The following SMARCAL1 variants were observed in gnomAD, a reference collection of about 807,000 sequenced individuals.
SMARCAL1 encodes SNF2 related chromatin remodeling annealing helicase 1.
In SMARCAL1, 58 loss-of-function variants were observed where a neutral mutation model predicts 94.5. The observed-to-expected ratio is 0.61, with a 90% CI of 0.50 to 0.76. The LOEUF (loss-of-function observed/expected upper bound fraction) is 0.76. Ranked by LOEUF, SMARCAL1 falls within the 30% of genes least tolerant of loss-of-function variation. The probability of loss-of-function intolerance (pLI) is 0.00; values close to 1 mark genes in which losing one functional copy is unlikely to be tolerated. For synonymous variants in SMARCAL1, 422 were observed against 455.1 expected (o/e 0.93, Z 0.93); for missense variants, 1,051 against 1,177.9 (o/e 0.89, Z 1.58).
intron 6 of SMARCAL1, chr2:216,427,277 G>C (rs1693856359): frequency 6.6e-6 from 1 of 152,218 alleles, no homozygotes; most frequent in Non-Finnish European, 1.5e-5. Flanking sequence ...TCTTTCTCAG[G>C]AACACTGAGA....
intron 9 of SMARCAL1, among the ~76,000 whole-genome samples, chr2:216,437,189 G>A (rs1353612376): frequency 6.6e-6 from 1 of 152,166 alleles, no homozygotes; most frequent in Non-Finnish European, 1.5e-5. Flanking sequence ...TTACCCATTG[G>A]TTGAAAGGGC....
chr2:216,414,483 T>A (rs1693539573), intron 2 of SMARCAL1, 164 bp from the exon 3 acceptor site: 1 of 563,238 alleles, frequency 1.8e-6, no homozygotes, highest in African/African-American at 1.9e-5. Flanking sequence ...CAGCATATGC[T>A]GCCTACTATT....
intron 12 of SMARCAL1, among the ~76,000 whole-genome samples, chr2:216,453,516 A>T (rs1444692739): frequency 1.3e-5 from 2 of 152,202 alleles, no homozygotes; most frequent in African/African-American, 4.8e-5. Flanking sequence ...TCTGATCAGG[A>T]TCATTGCTCT....
chr2:216,420,836 GC>G (rs1454075597), intron 5 of SMARCAL1, among the ~76,000 whole-genome samples: 2 of 152,114 alleles, frequency 1.3e-5, no homozygotes, highest in Non-Finnish European at 2.9e-5. Flanking sequence ...TTTTATTTTG[GC>G]CTTTGCAGAG....
intron 6 of SMARCAL1, among the ~76,000 whole-genome samples, chr2:216,423,954 A>T (rs1559123785): frequency 6.6e-6 from 1 of 152,338 alleles, no homozygotes; most frequent in Middle Eastern, 3.4e-3. Context: ...TCCTGCTGTC[A>T]TAGAAGTGCT....
Position 216,482,952 on chromosome 2 carries a change from G to C in SMARCAL1, c.2840G>C (p.Trp947Ser). 2 of 1,613,968 alleles carry C rather than the reference G, an allele frequency of 1.2e-6. No homozygotes were observed. The highest frequency in any genetic ancestry group is 1.7e-6 in the Non-Finnish European group (2 of 1,179,986). ...AGGAGATTTGAATTTTTTGATAACT[G>C]GGACAGCTTTACGTCTCCCCTGTAA... is the stretch of plus-strand genomic sequence containing the variant. ...KKRRFEFFDN[W>S]DSFTSPL is the part of the protein sequence containing the mutation. Residue 947 changes from tryptophan to serine, a missense_variant, in exon 18 of 18, where the codon TGG (tryptophan) becomes TCG (serine). Coordinates refer to ENST00000357276, the MANE Select transcript of SMARCAL1 (RefSeq NM_014140.4). The surrounding 1 kb of genome is among the most constrained non-coding windows in gnomAD (Gnocchi z 4.3).
intron 12 of SMARCAL1, among the ~76,000 whole-genome samples, chr2:216,460,628 T>C (rs577967321): frequency 7.3e-6 from 1 of 136,786 alleles, no homozygotes; most frequent in East Asian, 2.2e-4. Context: ...TAGGTGGGAA[T>C]TGAACAATGA....
chr2:216,463,148 C>T (rs978264761), intron 12 of SMARCAL1, among the ~76,000 whole-genome samples: 9 of 152,120 alleles, frequency 5.9e-5, no homozygotes, highest in African/African-American at 1.7e-4. Context: ...TGTTGAATCA[C>T]GTCTTTGTTC....
chr2:216,474,755 T>C lies in SMARCAL1; in HGVS notation c.2245-514T>C, dbSNP rs1162337229. On this transcript the variant is annotated intron_variant, in intron 14 of 17. Coordinates refer to ENST00000357276, the MANE Select transcript of SMARCAL1 (RefSeq NM_014140.4). ...TGAGTGACAAGAGTGAAACTTCATC[T>C]TAAAAAAGAAAAAGAAAAAAAATGT... is the stretch of plus-strand genomic sequence containing the variant. 3.9e-5 allele frequency among the ~76,000 whole-genome samples: 6 copies of C among 152,128 alleles called. No homozygotes were observed. The East Asian group carries it at 1.2e-3, about 30-fold the overall frequency.
At chr2:216,425,928 G>T (rs1693824308) in intron 6 of SMARCAL1, among the ~76,000 whole-genome samples, 1 of 152,232 alleles carries the variant, frequency 6.6e-6, no homozygotes, top group African/African-American at 2.4e-5. Context: ...TGGCTTAAAG[G>T]TTGGGTTTCA....
chr2:216,450,514 G>A (rs1249653911), intron 11 of SMARCAL1, among the ~76,000 whole-genome samples: 1 of 152,212 alleles, frequency 6.6e-6, no homozygotes, highest in Non-Finnish European at 1.5e-5. Flanking sequence ...GGAATAGTCT[G>A]ACAAGCCAAG....
chr2:216,432,411 G>A (rs540381146), intron 7 of SMARCAL1, among the ~76,000 whole-genome samples: 6 of 152,254 alleles, frequency 3.9e-5, no homozygotes, highest in Admixed American at 3.3e-4. Context: ...ACAGTGGGCC[G>A]AGGCAACTCC....
intron 12 of SMARCAL1, among the ~76,000 whole-genome samples, chr2:216,455,140 G>A (rs1694535750): frequency 6.6e-6 from 1 of 152,236 alleles, no homozygotes; most frequent in Non-Finnish European, 1.5e-5. Context: ...CAAGGCAGCA[G>A]CGAGGCTGGG....
intron 5 of SMARCAL1, among the ~76,000 whole-genome samples, chr2:216,422,881 A>G (rs1693754969): frequency 6.6e-6 from 1 of 152,212 alleles, no homozygotes; most frequent in African/African-American, 2.4e-5. Flanking sequence ...CACCTTTCTT[A>G]GTTGATATTG....
In SMARCAL1 at chr2:216,475,518, T is replaced by C; in HGVS notation, c.2427+67T>C. On this transcript the variant is annotated intron_variant, in intron 15 of 17. Coordinates refer to ENST00000357276, the MANE Select transcript of SMARCAL1 (RefSeq NM_014140.4). The surrounding 1 kb of genome is among the most constrained non-coding windows in gnomAD (Gnocchi z 4.4). ...ATGGCTGTGGGCAGGAAGCAGTGAG[T>C]GTCGGTCGGGGAAAGTGTGGTTTCC... The C allele has an allele frequency of 6.5e-7, 1 of 1,530,780 alleles. No individual in the cohort carries two copies. The highest frequency in any genetic ancestry group is 9.1e-7 in the Non-Finnish European group (1 of 1,104,388). 94.8% of individuals were successfully genotyped at this position (1,530,780 alleles called of 1,614,324 possible).
chr2:216,424,517 C>T (rs748303922), intron 6 of SMARCAL1, among the ~76,000 whole-genome samples: 2 of 152,180 alleles, frequency 1.3e-5, no homozygotes, highest in East Asian at 1.9e-4. Flanking sequence ...AGGACAGACA[C>T]GAGCCAACCC....
At chr2:216,466,767 T>C (rs988737460) in intron 13 of SMARCAL1, among the ~76,000 whole-genome samples, 10 of 152,180 alleles carry the variant, frequency 6.6e-5, no homozygotes, top group Non-Finnish European at 1.0e-4. Flanking sequence ...CGTAAACTTT[T>C]TTGCTTATAT....
Position 216,416,240 on chromosome 2 carries a change from C to T in SMARCAL1, c.812-17C>T, listed in dbSNP as rs1559121422. 2 of 1,611,872 alleles carry T rather than the reference C, an allele frequency of 1.2e-6. No homozygotes were observed. The highest frequency in any genetic ancestry group is 1.3e-5 in the African/African-American group (1 of 74,964). ...GTACAAATTGTCAACAGTCATCAGT[C>T]CTCTGTTTTGTTTCAGATCCTGACA... is the stretch of plus-strand genomic sequence containing the variant. On this transcript the variant is annotated splice_polypyrimidine_tract_variant and intron_variant, in intron 3 of 17. Transcript: ENST00000357276.
rs568442738 is a variant in SMARCAL1 at position 216,431,085 on chromosome 2, G to A, written c.1335-1633G>A. Among the ~76,000 whole-genome samples the A allele has an allele frequency of 1.8e-4, 27 of 152,352 alleles. No individual in the cohort carries two copies. In the South Asian group the frequency reaches 1.9e-3, roughly 11 times the overall value. On this transcript the variant is annotated intron_variant, in intron 7 of 17. Transcript: ENST00000357276. ...TGCCCCCTCTCCTAGGCAGGCCCCC[G>A]CCCAGGCTGCAGGGAGAACAGAAGG...
Sources: allele counts gnomAD v4.1 joint callset (sites outside exome capture counted in the v4.1 genomes callset), GRCh38; gene constraint gnomAD v4.1.1; non-coding constraint Gnocchi (gnomAD v3.1); transcripts MANE v1.5; gene names NCBI Gene and HGNC (gene_info 2026-07-23, HGNC 2026-07-21).